CHST3: variants seen among roughly 807,000 people sequenced by gnomAD.
The protein encoded by CHST3 is C6ST-1.
CHST3 carries 20 observed loss-of-function variants against 35.4 expected under a neutral mutation model. The observed-to-expected ratio is 0.57, with a 90% CI of 0.40 to 0.82. The LOEUF (loss-of-function observed/expected upper bound fraction) is 0.82. CHST3 is among the 40% of genes least tolerant of loss of function. The pLI is 0.00. For synonymous variants in CHST3, 334 were observed against 295.9 expected, an observed-to-expected ratio of 1.13 and a Z score of -1.32; for missense variants, 693 against 670.1, an observed-to-expected ratio of 1.03 and a Z score of -0.38.
intron 1 of CHST3, among the ~76,000 whole-genome samples, chr10:72,000,813 C>T (rs1339972118): frequency 6.6e-6 from 1 of 151,942 alleles, no homozygotes; most frequent in Non-Finnish European, 1.5e-5. Flanking sequence ...TGGGTGGCTG[C>T]CCACATGTGA....
chr10:71,973,442 G>A lies in CHST3; in HGVS notation c.-108+8748G>A, dbSNP rs184461555. 1.8e-3 allele frequency among the ~76,000 whole-genome samples: 268 copies of A among 152,346 alleles called. 1 individual carries two copies. The highest frequency in any genetic ancestry group is 6.2e-3 in the African/African-American group (259 of 41,580). The stretch of plus-strand genomic sequence containing the variant: ...TCCAGTTCCCATCTGCAAGTAACGA[G>A]GCCTGCCGTGGCTGAGTCGTTTCCC... On this transcript the variant is annotated intron_variant, in intron 1 of 2. Coordinates refer to ENST00000373115, the MANE Select transcript of CHST3 (RefSeq NM_004273.5).
chr10:72,007,429 G>C lies in CHST3; in HGVS notation c.398G>C (p.Arg133Pro). 1 of 1,602,404 alleles carries C rather than the reference G, an allele frequency of 6.2e-7. No homozygotes were observed. The highest frequency in any genetic ancestry group is 1.1e-5 in the South Asian group (1 of 90,746). ...AGACCGGCCGTGGCGGGGCCCCGGC[G>C]CCACGTGCTGCTCATGGCCACCACG... ...PPRPAVAGPRRHVLLMATTRT... is the reference protein window; with the variant it reads ...PPRPAVAGPRPHVLLMATTRT... The change falls in exon 3 of 3, where the codon CGC becomes CCC. Residue 133 changes from arginine (R) to proline (P), a missense_variant. Arg to Pro is a moderately radical substitution (Grantham distance 103). Transcript: ENST00000373115.
intron 1 of CHST3, among the ~76,000 whole-genome samples, chr10:71,981,238 G>A (rs1309538706): frequency 6.6e-6 from 1 of 152,204 alleles, no homozygotes; most frequent in Admixed American, 6.5e-5. Flanking sequence ...TCACGCGGCA[G>A]CACCTCGGCC....
At chr10:72,006,235 A>T (rs1450246091) in intron 2 of CHST3, among the ~76,000 whole-genome samples, 1 of 152,216 alleles carries the variant, frequency 6.6e-6, no homozygotes, top group African/African-American at 2.4e-5. Context: ...GTGAAAGGTT[A>T]GACAAGATAC....
intron 1 of CHST3, among the ~76,000 whole-genome samples, chr10:71,974,080 G>C (rs988332529): frequency 6.6e-6 from 1 of 152,198 alleles, no homozygotes; most frequent in African/African-American, 2.4e-5. Context: ...GAAGACATGG[G>C]AATAAAATGT....
intron 1 of CHST3, among the ~76,000 whole-genome samples, chr10:71,975,382 C>T (rs1451051148): frequency 6.6e-6 from 1 of 152,206 alleles, no homozygotes; most frequent in Admixed American, 6.5e-5. Flanking sequence ...TGCCATCCGG[C>T]CACAAATAAA....
chr10:72,006,107 C>T, intron 2 of CHST3, 125 bp downstream of exon 2: 1 of 1,231,972 alleles, frequency 8.1e-7, no homozygotes, highest in Non-Finnish European at 1.2e-6. Context: ...CCCCAGGCCC[C>T]TTCTATGTCC....
rs1162129765 is a variant in CHST3, at chr10:72,008,342, C to T, written c.1311C>T (p.Ala437=). ...GCTTCAGCATGCCCTTCAAGCTGGC[C>T]CAGGTGGTGCAGGCCGCCTGCGGCC... ...KWRFSMPFKL[A]QVVQAACGPA... Residue 437 remains alanine, a synonymous_variant, in exon 3 of 3, where the codon GCC becomes GCT. Transcript: ENST00000373115. 1 of 1,571,170 alleles carries T rather than the reference C, an allele frequency of 6.4e-7. No homozygotes were observed. The highest frequency in any genetic ancestry group is 1.2e-5 in the South Asian group (1 of 85,466).
Position 72,005,982 on chromosome 10 carries a change from G to C in CHST3, c.140G>C (p.Arg47Thr). The stretch of plus-strand genomic sequence containing the variant: ...GAAAAGGAAAATAAAATCATATCAA[G>C]GTGAGGGTTGCAAGCCCAAGTCTTC... ...FIEKENKIIS[R>T]VSDKLKQIPQ... Residue 47 changes from arginine (R) to threonine (T), a missense_variant and splice_region_variant, in exon 2 of 3, where the codon AGG becomes ACG. Coordinates refer to ENST00000373115, the MANE Select transcript of CHST3 (RefSeq NM_004273.5). 6.2e-7 allele frequency: 1 copy of C among 1,611,662 alleles called. No individual in the cohort carries two copies. Among genetic ancestry groups the C allele is most frequent in the Non-Finnish European group, 8.5e-7 (1 of 1,177,790 alleles).
At chr10:71,995,970 T>C (rs1362087878) in intron 1 of CHST3, among the ~76,000 whole-genome samples, 1 of 152,180 alleles carries the variant, frequency 6.6e-6, no homozygotes, top group Admixed American at 6.5e-5. Flanking sequence ...AACCTTTGAT[T>C]TGTAGAAAAC....
At chr10:71,979,546 G>A (rs1839780893) in intron 1 of CHST3, among the ~76,000 whole-genome samples, 1 of 152,044 alleles carries the variant, frequency 6.6e-6, no homozygotes, top group South Asian at 2.1e-4. Context: ...ACAGATGGGG[G>A]AGGGGTGGTG....
At chr10:71,993,640 T>TTG (rs1839916530) in intron 1 of CHST3, among the ~76,000 whole-genome samples, 1 of 152,194 alleles carries the variant, frequency 6.6e-6, no homozygotes, top group African/African-American at 2.4e-5. Flanking sequence ...AGCTATAGCC[T>TTG]TACAAAATGT....
intron 1 of CHST3, among the ~76,000 whole-genome samples, chr10:71,990,042 G>A (rs1839883290): frequency 6.6e-6 from 1 of 152,140 alleles, no homozygotes; most frequent in African/African-American, 2.4e-5. Flanking sequence ...TTAGCCTTTT[G>A]TAATTATAAT....
At chr10:72,006,031 GT>G in intron 2 of CHST3, 49 bp downstream of exon 2, 1 of 1,465,038 alleles carries the variant, frequency 6.8e-7, no homozygotes. Flanking sequence ...GGTGGGGTGG[GT>G]GGGGACAGGG....
Position 72,007,827 on chromosome 10 carries a change from C to G in CHST3, c.796C>G (p.Arg266Gly), listed in dbSNP as rs1041291103. 3 of 1,604,432 alleles carry G rather than the reference C, an allele frequency of 1.9e-6. No individual in the cohort carries two copies. The highest frequency in any genetic ancestry group is 2.5e-6 in the Non-Finnish European group (3 of 1,179,468). Residue 266 changes from arginine to glycine, a missense_variant, in exon 3 of 3, where the codon CGC becomes GGC. Coordinates refer to ENST00000373115, the MANE Select transcript of CHST3 (RefSeq NM_004273.5). ...GACGCTGGCCGCAGAGGCCTGCCGC[C>G]GCAAGGAGCACATGGCCCTCAAGGC... ...NVTLAAEACRRKEHMALKAVR... is the reference protein window; with the variant it reads ...NVTLAAEACRGKEHMALKAVR...
intron 1 of CHST3, among the ~76,000 whole-genome samples, chr10:71,970,818 G>C (rs1282718324): frequency 6.6e-6 from 1 of 152,210 alleles, no homozygotes; most frequent in Non-Finnish European, 1.5e-5. Context: ...ATAGACCAAA[G>C]CTAATTTTCC....
At chr10:71,984,451 GAC>G (rs1839828439) in intron 1 of CHST3, among the ~76,000 whole-genome samples, 1 of 152,164 alleles carries the variant, frequency 6.6e-6, no homozygotes, top group Admixed American at 6.5e-5. Flanking sequence ...CAAGAACCTG[GAC>G]ACCCTCCACC....
chr10:71,979,611 C>T (rs1337659655), intron 1 of CHST3, among the ~76,000 whole-genome samples: 2 of 152,152 alleles, frequency 1.3e-5, no homozygotes, highest in African/African-American at 2.4e-5. Context: ...TCCGGTACCG[C>T]CTTCCCTTTT....
At chr10:71,986,087 G>A (rs1839844844) in intron 1 of CHST3, among the ~76,000 whole-genome samples, 1 of 152,208 alleles carries the variant, frequency 6.6e-6, no homozygotes, top group Admixed American at 6.5e-5. Flanking sequence ...GTAAAACAAG[G>A]GACACAGACC....
Sources: gnomAD v4.1 joint callset for allele counts (sites outside exome capture counted in the v4.1 genomes callset) on GRCh38, gnomAD v4.1.1 for gene constraint, MANE v1.5 for transcripts, NCBI Gene and HGNC (gene_info 2026-07-23, HGNC 2026-07-21) for gene names.